MB21D2: variants seen among roughly 807,000 people sequenced by gnomAD.
The protein encoded by MB21D2 is nucleotidyltransferase MB21D2.
A neutral mutation model predicts 33.3 loss-of-function variants in MB21D2; 9 were observed. The observed-to-expected ratio is 0.27, with a 90% CI of 0.16 to 0.47. MB21D2 has a LOEUF of 0.47. Among genes scored for constraint, MB21D2 ranks in the 20% least tolerant of loss-of-function variants. The pLI is 0.99. For synonymous variants in MB21D2, 241 were observed against 236.3 expected (o/e 1.02, Z -0.18); for missense variants, 540 against 624.6 (o/e 0.86, Z 1.44).
intron 1 of MB21D2, among the ~76,000 whole-genome samples, chr3:192,836,733 G>A (rs539496318): frequency 6.6e-5 from 10 of 152,104 alleles, no homozygotes; most frequent in Non-Finnish European, 1.5e-4. Flanking sequence ...ATTTTGCTAC[G>A]GCAGACTTAG....
chr3:192,884,481 C>T (rs1489799874), intron 1 of MB21D2, among the ~76,000 whole-genome samples: 5 of 151,856 alleles, frequency 3.3e-5, no homozygotes, highest in Admixed American at 2.6e-4. Flanking sequence ...ATTCTCCTGC[C>T]TCAGCCTCCC....
intron 1 of MB21D2, among the ~76,000 whole-genome samples, chr3:192,842,595 A>G (rs1167850634): frequency 1.3e-5 from 2 of 152,258 alleles, no homozygotes; most frequent in African/African-American, 4.8e-5. Context: ...AATAATAATG[A>G]TAATAAAAGA....
At chr3:192,833,617 C>T (rs1465069562) in intron 1 of MB21D2, among the ~76,000 whole-genome samples, 1 of 152,136 alleles carries the variant, frequency 6.6e-6, no homozygotes, top group African/African-American at 2.4e-5. Flanking sequence ...AAAATAGATT[C>T]TATGCTTTTC....
At chr3:192,835,932 G>A (rs1179003752) in intron 1 of MB21D2, among the ~76,000 whole-genome samples, 1 of 151,956 alleles carries the variant, frequency 6.6e-6, no homozygotes, top group Non-Finnish European at 1.5e-5. Flanking sequence ...CATTCCCAGT[G>A]AAGCACCATC....
intron 1 of MB21D2, among the ~76,000 whole-genome samples, chr3:192,877,948 TC>T (rs1713470424): frequency 1.3e-5 from 2 of 148,730 alleles, no homozygotes; most frequent in African/African-American, 5.0e-5. Flanking sequence ...ATCATTACCC[TC>T]CTTTCACATG....
At chr3:192,889,874 T>C (rs1350027151) in intron 1 of MB21D2, among the ~76,000 whole-genome samples, 1 of 151,884 alleles carries the variant, frequency 6.6e-6, no homozygotes, top group African/African-American at 2.4e-5. Context: ...AACACCCACA[T>C]CCAGAGTCAA....
chr3:192,833,386 A>G (rs1368874820), intron 1 of MB21D2, among the ~76,000 whole-genome samples: 2 of 152,240 alleles, frequency 1.3e-5, no homozygotes, highest in African/African-American at 4.8e-5. Flanking sequence ...CAACTATGGC[A>G]GCACATTCAA....
chr3:192,861,980 G>A (rs906083107), intron 1 of MB21D2, among the ~76,000 whole-genome samples: 8 of 152,130 alleles, frequency 5.3e-5, no homozygotes, highest in Non-Finnish European at 1.2e-4. Context: ...AACCACACAA[G>A]AGCCAAGCCT....
rs138461551 is a variant in MB21D2 at position 192,799,144 on chromosome 3, A to T, written c.718T>A (p.Ser240Thr). 2 of 1,614,078 alleles carry T rather than the reference A, an allele frequency of 1.2e-6. No individual in the cohort carries two copies. Among genetic ancestry groups the T allele is most frequent in the African/African-American group, 1.3e-5 (1 of 74,920 alleles). ...RMLYDIVPVV[S>T]FKGWPAVAQS... ...GCCACTGCAGGCCAACCTTTGAAAGATACCACAGGGACAATATCATACAAC... is the reference window on the plus strand; with the variant it reads ...GCCACTGCAGGCCAACCTTTGAAAGTTACCACAGGGACAATATCATACAAC... The change falls in exon 2 of 2, where the codon TCT (serine) becomes ACT (threonine). Residue 240 changes from serine to threonine, a missense_variant. By Grantham distance (58) the Ser-to-Thr change is moderately conservative. Coordinates refer to ENST00000392452, the MANE Select transcript of MB21D2 (RefSeq NM_178496.4). The surrounding 1 kb of genome is among the most constrained non-coding windows in gnomAD (Gnocchi z 4.1).
intron 1 of MB21D2, among the ~76,000 whole-genome samples, chr3:192,914,213 C>T (rs887490517): frequency 6.6e-6 from 1 of 152,170 alleles, no homozygotes; most frequent in Non-Finnish European, 1.5e-5. Flanking sequence ...ACTTTCTTCA[C>T]CCCACTAAAT....
intron 1 of MB21D2, among the ~76,000 whole-genome samples, chr3:192,909,243 G>A (rs1280740626): frequency 1.3e-5 from 2 of 149,450 alleles, no homozygotes; most frequent in African/African-American, 5.0e-5. Flanking sequence ...GTGACAGAGC[G>A]AGACTCTGTC....
intron 1 of MB21D2, among the ~76,000 whole-genome samples, chr3:192,887,705 C>T (rs1713763265): frequency 6.6e-6 from 1 of 152,010 alleles, no homozygotes; most frequent in African/African-American, 2.4e-5. Flanking sequence ...AATATTTTTT[C>T]CCTTTACTAA....
intron 1 of MB21D2, among the ~76,000 whole-genome samples, chr3:192,909,966 A>AAGAGAG (rs796107234): frequency 7.6e-6 from 1 of 132,228 alleles, no homozygotes; most frequent in Non-Finnish European, 1.6e-5. Flanking sequence ...AAAAAAAAGA[A>AAGAGAG]AGAGAGAGAG....
chr3:192,817,766 G>A (rs553410905), intron 1 of MB21D2, among the ~76,000 whole-genome samples: 4 of 152,144 alleles, frequency 2.6e-5, no homozygotes, highest in East Asian at 1.9e-4. Context: ...TCCCACCACC[G>A]CACCCAGCAT....
intron 1 of MB21D2, among the ~76,000 whole-genome samples, chr3:192,809,145 G>A (rs1234217782): frequency 1.3e-5 from 2 of 152,042 alleles, no homozygotes; most frequent in Non-Finnish European, 2.9e-5. Context: ...CCCCAGGCTG[G>A]AGTGCAGTGG....
At chr3:192,906,408 A>G (rs1470871265) in intron 1 of MB21D2, among the ~76,000 whole-genome samples, 1 of 152,158 alleles carries the variant, frequency 6.6e-6, no homozygotes, top group Non-Finnish European at 1.5e-5. Flanking sequence ...AACATAGACC[A>G]TACCTCCTTA....
chr3:192,807,623 G>A (rs1040927690), intron 1 of MB21D2, among the ~76,000 whole-genome samples: 1 of 152,112 alleles, frequency 6.6e-6, no homozygotes, highest in Non-Finnish European at 1.5e-5. Flanking sequence ...GGAGAAGGGG[G>A]GAAGTCTACA....
chr3:192,916,463 A>G (rs531491875), intron 1 of MB21D2, among the ~76,000 whole-genome samples: 3 of 152,304 alleles, frequency 2.0e-5, no homozygotes, highest in South Asian at 4.1e-4. Context: ...ACCTTTCCCA[A>G]TCAAATTTTT....
Position 192,903,258 on chromosome 3 carries a change from A to C in MB21D2, c.211+14372T>G, listed in dbSNP as rs73066250. Among the ~76,000 whole-genome samples the C allele has an allele frequency of 1.3e-3, 205 of 152,316 alleles. 1 individual carries two copies. The highest frequency in any genetic ancestry group is 4.8e-3 in the African/African-American group (199 of 41,562). On this transcript the variant is annotated intron_variant, in intron 1 of 1. Transcript: ENST00000392452. The stretch of plus-strand genomic sequence containing the variant: ...TTAAAGCATTAATTACCCAACATTT[A>C]CATAACCTCCATTCCGCCCAAAAGT...
Sources: gnomAD v4.1 joint callset for allele counts (sites outside exome capture counted in the v4.1 genomes callset) on GRCh38, gnomAD v4.1.1 for gene constraint, Gnocchi (gnomAD v3.1) non-coding constraint, MANE v1.5 for transcripts, NCBI Gene and HGNC (gene_info 2026-07-23, HGNC 2026-07-21) for gene names.